Variants in DPYD observed in about 807,000 individuals in gnomAD.
The protein encoded by DPYD is dihydropyrimidine dehydrogenase [NADP(+)].
In DPYD, 109 loss-of-function variants were observed where a neutral mutation model predicts 116.2. The ratio of observed to expected loss-of-function variants is 0.94; its 90% CI spans 0.80 to 1.10. The LOEUF is 1.10. Ranked by LOEUF, DPYD falls within the 50% of genes least tolerant of loss-of-function variation. The pLI is 0.00. For missense variants in DPYD, 1,302 were observed against 1,254.5 expected (o/e 1.04, Z -0.57); for synonymous variants, 440 against 432.0 (o/e 1.02, Z -0.23).
chr1:97,826,485 G>C (rs1669251663), intron 3 of DPYD, among the ~76,000 whole-genome samples: 1 of 151,834 alleles, frequency 6.6e-6, no homozygotes, highest in African/African-American at 2.4e-5. Flanking sequence ...TTGTCTTCCT[G>C]TTTGTCTATG....
intron 16 of DPYD, among the ~76,000 whole-genome samples, chr1:97,337,570 C>G (rs1014457115): frequency 1.3e-5 from 2 of 151,982 alleles, no homozygotes; most frequent in East Asian, 1.9e-4. Context: ...CACCTTCAAA[C>G]GAGATCTTAG....
intron 12 of DPYD, among the ~76,000 whole-genome samples, chr1:97,527,352 C>T (rs564440810): frequency 3.9e-5 from 6 of 152,244 alleles, no homozygotes; most frequent in African/African-American, 1.4e-4. Flanking sequence ...GCTGGGATTA[C>T]AGGCGTGAGC....
chr1:97,568,312 A>T lies in DPYD; in HGVS notation c.1339+5448T>A, dbSNP rs1393729584. Among the ~76,000 whole-genome samples the T allele has an allele frequency of 2.0e-5, 3 of 152,150 alleles. No individual in the cohort carries two copies. In the East Asian group the frequency reaches 5.8e-4, roughly 29 times the overall value. ...TAATATAAATCAATTTAATTACTAAAATATGGTTTTGTTACAGATTAATAA... is the reference window on the plus strand; with the variant it reads ...TAATATAAATCAATTTAATTACTAATATATGGTTTTGTTACAGATTAATAA... On this transcript the variant is annotated intron_variant, in intron 11 of 22. Coordinates refer to ENST00000370192, the MANE Select transcript of DPYD (RefSeq NM_000110.4).
intron 3 of DPYD, among the ~76,000 whole-genome samples, chr1:97,784,474 A>G (rs1035187586): frequency 3.9e-5 from 6 of 152,164 alleles, no homozygotes; most frequent in African/African-American, 1.4e-4. Flanking sequence ...AAACAAATGT[A>G]AATATATGTA....
chr1:97,376,887 G>GTGTATATATATATATATATATATA, intron 15 of DPYD, among the ~76,000 whole-genome samples: 3 of 128,416 alleles, frequency 2.3e-5, no homozygotes, highest in South Asian at 3.1e-4. Context: ...GTGTGTGTGT[G>GTGTATATATATATATATATATATA]TATATATATA....
chr1:97,640,860 G>A (rs1196017685), intron 8 of DPYD, among the ~76,000 whole-genome samples: 1 of 152,118 alleles, frequency 6.6e-6, no homozygotes, highest in Non-Finnish European at 1.5e-5. Context: ...AGTGATAGAA[G>A]AAAAGCATGA....
chr1:97,261,493 C>CTTT (rs1210765677), intron 18 of DPYD, among the ~76,000 whole-genome samples: 16 of 122,484 alleles, frequency 1.3e-4, no homozygotes, highest in African/African-American at 3.9e-4. Context: ...GACTATGCAT[C>CTTT]TTTTTTTTTT....
At chr1:97,288,193 T>C (rs1306609479) in intron 18 of DPYD, among the ~76,000 whole-genome samples, 1 of 150,860 alleles carries the variant, frequency 6.6e-6, no homozygotes, top group Non-Finnish European at 1.5e-5. Flanking sequence ...AAGCAAGTCC[T>C]GAGTGACCTA....
At chr1:97,398,860 G>A (rs926561245) in intron 14 of DPYD, among the ~76,000 whole-genome samples, 2 of 152,170 alleles carry the variant, frequency 1.3e-5, no homozygotes, top group Admixed American at 6.5e-5. Flanking sequence ...TTTGTCAGAT[G>A]AGTAGATTGC....
chr1:97,576,403 G>A (rs1362233477), intron 10 of DPYD, among the ~76,000 whole-genome samples: 3 of 152,080 alleles, frequency 2.0e-5, no homozygotes, highest in East Asian at 3.9e-4. Flanking sequence ...CTTACAGATC[G>A]ATTTAGGATC....
chr1:97,306,175 A>G lies in DPYD; in HGVS notation c.2179+2T>C. ...GGCAACTGATTCAAGTCAAGTTCTT[A>G]CCTTCCTTTGCAGCTCTTGCGATGC... On this transcript the variant is annotated splice_donor_variant, in intron 17 of 22. Transcript: ENST00000370192. LOFTEE classifies it high-confidence loss of function. 3 of 1,612,340 alleles carry G rather than the reference A, an allele frequency of 1.9e-6. No individual in the cohort carries two copies. Among genetic ancestry groups the G allele is most frequent in the Non-Finnish European group, 2.5e-6 (3 of 1,178,754 alleles).
At chr1:97,396,582 A>G (rs1036734636) in intron 14 of DPYD, among the ~76,000 whole-genome samples, 15 of 152,036 alleles carry the variant, frequency 9.9e-5, no homozygotes, top group African/African-American at 3.6e-4. Flanking sequence ...GCAGGAACCA[A>G]TGGGATGATT....
At chr1:97,231,579 G>A (rs192742854) in intron 19 of DPYD, among the ~76,000 whole-genome samples, 2 of 152,150 alleles carry the variant, frequency 1.3e-5, no homozygotes, top group East Asian at 1.9e-4. Context: ...GGAAAGACCT[G>A]CCCCCATGAT....
At chr1:97,436,964 C>G (rs1675504814) in intron 14 of DPYD, among the ~76,000 whole-genome samples, 1 of 151,480 alleles carries the variant, frequency 6.6e-6, no homozygotes, top group Admixed American at 6.6e-5. Flanking sequence ...TAAGTTAAAC[C>G]AATTTTTTAA....
intron 11 of DPYD, among the ~76,000 whole-genome samples, chr1:97,568,241 T>C (rs1466328407): frequency 6.6e-6 from 1 of 152,140 alleles, no homozygotes; most frequent in Non-Finnish European, 1.5e-5. Flanking sequence ...AGTATTGATA[T>C]TCAAATGACT....
intron 14 of DPYD, among the ~76,000 whole-genome samples, chr1:97,446,526 G>A (rs924320250): frequency 6.6e-6 from 1 of 152,036 alleles, no homozygotes; most frequent in African/African-American, 2.4e-5. Flanking sequence ...ACAGAAATGA[G>A]GTGTATTGTA....
At chr1:97,251,053 A>C (rs2100809935) in intron 18 of DPYD, among the ~76,000 whole-genome samples, 1 of 152,292 alleles carries the variant, frequency 6.6e-6, no homozygotes, top group South Asian at 2.1e-4. Flanking sequence ...AGAATCTTTC[A>C]AATACTTAAT....
intron 16 of DPYD, among the ~76,000 whole-genome samples, chr1:97,321,028 C>T (rs1668222924): frequency 9.9e-6 from 1 of 101,136 alleles, no homozygotes; most frequent in African/African-American, 3.9e-5. Context: ...ACTGACTAGC[C>T]ATATGTAGAA....
At chr1:97,838,487 A>C (rs1032531727) in intron 2 of DPYD, among the ~76,000 whole-genome samples, 1 of 152,234 alleles carries the variant, frequency 6.6e-6, no homozygotes, top group Non-Finnish European at 1.5e-5. Flanking sequence ...TTTTCAAGTT[A>C]CTCAATATTG....
Sources: gnomAD v4.1 joint callset for allele counts (sites outside exome capture counted in the v4.1 genomes callset) on GRCh38, gnomAD v4.1.1 for gene constraint, MANE v1.5 for transcripts, NCBI Gene and HGNC (gene_info 2026-07-23, HGNC 2026-07-21) for gene names.